The following PC variants were observed in gnomAD, a reference collection of about 807,000 sequenced individuals.
The protein encoded by PC is pyruvate carboxylase.
Under a neutral mutation model 107.8 loss-of-function variants are expected in PC, and 46 were observed. That is an observed-to-expected ratio of 0.43 (90% CI 0.34 to 0.55). PC has a LOEUF of 0.55. Ranked by LOEUF, PC falls within the 20% of genes least tolerant of loss-of-function variation. PC has a pLI of 0.04. For missense variants in PC, 1,241 were observed against 1,643.1 expected (o/e 0.76, Z 4.23); for synonymous variants, 662 against 684.7 (o/e 0.97, Z 0.52).
chr11:66,952,502 T>C (rs1949462798), intron 2 of PC, 34 bp from the exon 3 acceptor site: 1 of 152,238 alleles, frequency 6.6e-6, no homozygotes, highest in Non-Finnish European at 1.5e-5. Context: ...TTACCCTCAT[T>C]GCTCCAGGAA....
At position 66,871,780 on chromosome 11, in the gene PC, G is replaced by A. The variant is rs774618137; in HGVS notation, c.228C>T (p.His76=). 1.1e-5 allele frequency: 17 copies of A among 1,604,002 alleles called. No individual in the cohort carries two copies. Among genetic ancestry groups the A allele is most frequent in the Non-Finnish European group, 1.3e-5 (15 of 1,176,588 alleles). The change falls in exon 5 of 23, where the codon CAC becomes CAT. Residue 76 remains histidine, a synonymous_variant. Coordinates refer to ENST00000393960, the MANE Select transcript of PC (RefSeq NM_001040716.2). The surrounding 1 kb of genome is among the most constrained non-coding windows in gnomAD (Gnocchi z 7.4). ...GATAGGCTTCATCTGCTTTCTGCCG[G>A]TGCATCTGGCCCGTGTCCTGCTCAG... ...IYSEQDTGQM[H]RQKADEAYLI...
chr11:66,940,323 C>T (rs1402580591), intron 3 of PC, among the ~76,000 whole-genome samples: 1 of 151,802 alleles, frequency 6.6e-6, no homozygotes, highest in Non-Finnish European at 1.5e-5. Context: ...TTCAGTCTCC[C>T]TGGTAGTTGG....
At chr11:66,856,963 C>T (rs1945882451) in intron 12 of PC, 1 of 146,562 alleles carries the variant, frequency 6.8e-6, no homozygotes, top group African/African-American at 2.5e-5. Flanking sequence ...CTGCAGCGGC[C>T]GCGTGTCCCC....
rs1314644647 is a variant in PC, at chr11:66,858,863, TG to T, written c.1368+4910del. On this transcript the variant is annotated intron_variant, in intron 12 of 22. Coordinates refer to ENST00000393960, the MANE Select transcript of PC (RefSeq NM_001040716.2). This position sits in a 1 kb window ranked among gnomAD's most constrained non-coding sequence, Gnocchi z 5.9. ...AACTGCGGGTGCTGGCCTTGCCCCATGGTGGGAACAGCAGTGCCGAGGGGGG... is the reference window on the plus strand; with the variant it reads ...AACTGCGGGTGCTGGCCTTGCCCCATGTGGGAACAGCAGTGCCGAGGGGGG... The T allele has an allele frequency of 6.4e-7, 1 of 1,557,118 alleles. No homozygotes were observed. The highest frequency in any genetic ancestry group is 8.7e-7 in the Non-Finnish European group (1 of 1,151,468).
In PC at chr11:66,850,767, C is replaced by G. The variant is rs148086243; in HGVS notation, c.2380G>C (p.Val794Leu). Residue 794 changes from valine (V) to leucine (L), a missense_variant, in exon 18 of 23, where the codon GTG (valine) becomes CTG (leucine). By Grantham distance (32) the Val-to-Leu change is conservative. Around this residue, in one of 2 missense-constraint regions of PC, gnomAD observed 1,143 missense variants for 1,551.9 expected, o/e 0.74. Transcript: ENST00000393960. The stretch of plus-strand genomic sequence containing the variant: ...GACATGGAATCAGCTGCCACATCCA[C>G]CACATCAGCTCCAGCCTGGGCACAG... ...LACAQAGADV[V>L]DVAADSMSGM... The G allele has an allele frequency of 1.6e-5, 25 of 1,611,458 alleles. No homozygotes were observed. Among genetic ancestry groups the G allele is most frequent in the Non-Finnish European group, 1.9e-5 (23 of 1,179,984 alleles).
chr11:66,871,496 A>C lies in PC; in HGVS notation c.322-16T>G. On this transcript the variant is annotated splice_polypyrimidine_tract_variant and intron_variant, in intron 5 of 22. Transcript: ENST00000393960. The surrounding 1 kb of genome is among the most constrained non-coding windows in gnomAD (Gnocchi z 7.4). ...CGTTGTTCTCCTGCAGGTGGGGGTC[A>C]GGGAGAGGACGGTACCTTGCAGTCC... is the stretch of plus-strand genomic sequence containing the variant. The C allele has an allele frequency of 6.2e-7, 1 of 1,613,052 alleles. No individual in the cohort carries two copies.
At chr11:66,864,004 A>G (rs775789582) in intron 11 of PC, 48 bp from the exon 12 acceptor site, 16 of 1,598,914 alleles carry the variant, frequency 1.0e-5, no homozygotes, top group Non-Finnish European at 1.4e-5. Context: ...ACTGCGGTCA[A>G]AAGTGCCCCA....
At chr11:66,897,243 T>C (rs771966492) in intron 3 of PC, among the ~76,000 whole-genome samples, 3 of 152,146 alleles carry the variant, frequency 2.0e-5, no homozygotes, top group Non-Finnish European at 4.4e-5. Context: ...CTTGACCCTT[T>C]TGAATTGGCA....
At position 66,848,887 on chromosome 11, in the gene PC, T is replaced by C. The variant is rs755583968; in HGVS notation, c.*12A>G. On this transcript the variant is annotated 3_prime_UTR_variant, in exon 23 of 23. Coordinates refer to ENST00000393960, the MANE Select transcript of PC (RefSeq NM_001040716.2). ...GGCTTGGGGATGGCCAGGCTGCCGG[T>C]CTGGGGCAAGATCACTCGATCTCCA... 2.5e-6 allele frequency: 4 copies of C among 1,613,530 alleles called. No individual in the cohort carries two copies. Among genetic ancestry groups the C allele is most frequent in the Admixed American group, 3.3e-5 (2 of 60,024 alleles).
chr11:66,900,243 C>T lies in PC; in HGVS notation c.1-28084G>A, dbSNP rs530902819. ...TTGCCCAGGCTGGAGTGCAGTGGCA[C>T]GATCTCGGCTCACTGCAAGCTCTGA... On this transcript the variant is annotated intron_variant, in intron 3 of 22. Coordinates refer to ENST00000393960, the MANE Select transcript of PC (RefSeq NM_001040716.2). 1.2e-4 allele frequency among the ~76,000 whole-genome samples: 17 copies of T among 142,730 alleles called. No individual in the cohort carries two copies. In the South Asian group the frequency reaches 3.2e-3, roughly 27 times the overall value. 93.6% of individuals were successfully genotyped at this position (142,730 alleles called of 152,430 possible). A position where few individuals can be genotyped will look rare whatever the true frequency, so the allele number is the denominator to read the frequency against.
At chr11:66,863,442 TTTAACACACATTCCA>T (rs1946360044) in intron 12 of PC, among the ~76,000 whole-genome samples, 1 of 152,230 alleles carries the variant, frequency 6.6e-6, no homozygotes, top group East Asian at 1.9e-4. Context: ...CCTGATGATA[TTTAACACACATTCCA>T]GGTGATTCTC....
At chr11:66,945,090 G>A (rs1949253210) in intron 3 of PC, among the ~76,000 whole-genome samples, 1 of 117,258 alleles carries the variant, frequency 8.5e-6, no homozygotes, top group Non-Finnish European at 1.9e-5. Flanking sequence ...GAAAAAGGTG[G>A]CACTGGTTCC....
At chr11:66,865,614 G>A (rs540681159) in intron 11 of PC, among the ~76,000 whole-genome samples, 113 of 152,238 alleles carry the variant, frequency 7.4e-4, no homozygotes, top group Non-Finnish European at 1.3e-3. Flanking sequence ...GCCGTGGACC[G>A]CCTCAGCGCC....
Position 66,848,563 on chromosome 11 carries a change from G to T in PC, c.*336C>A. ...CAGCTTTATTGAGTAAACTTCCCAG[G>T]ACCTGGGACATCTTAGATCTCCCCT... On this transcript the variant is annotated 3_prime_UTR_variant, in exon 23 of 23. Transcript: ENST00000393960. 1 of 596,874 alleles carries T rather than the reference G, an allele frequency of 1.7e-6. No homozygotes were observed. Among genetic ancestry groups the T allele is most frequent in the South Asian group, 2.0e-5 (1 of 49,618 alleles). 37.0% of individuals were successfully genotyped at this position (596,874 alleles called of 1,614,324 possible).
chr11:66,870,903 G>A lies in PC; in HGVS notation c.634-11C>T, dbSNP rs757457960. ...ATTCTCCTCCAGCTCCTGCGAGGGC[G>A]GGCAGGGGCCAGCCAGACCTCAGAC... On this transcript the variant is annotated splice_polypyrimidine_tract_variant and intron_variant, in intron 7 of 22. Coordinates refer to ENST00000393960, the MANE Select transcript of PC (RefSeq NM_001040716.2). The surrounding 1 kb of genome is among the most constrained non-coding windows in gnomAD (Gnocchi z 6.1). 1.1e-5 allele frequency: 17 copies of A among 1,609,718 alleles called. No individual in the cohort carries two copies. Among genetic ancestry groups the A allele is most frequent in the Middle Eastern group, 1.6e-4 (1 of 6,084 alleles).
At chr11:66,905,962 G>C (rs563398255) in intron 3 of PC, among the ~76,000 whole-genome samples, 2 of 151,160 alleles carry the variant, frequency 1.3e-5, no homozygotes, top group South Asian at 2.1e-4. Context: ...AGGCAGGAAT[G>C]AAACTGAAGG....
At chr11:66,922,589 T>C (rs1253705037) in intron 3 of PC, among the ~76,000 whole-genome samples, 4 of 137,756 alleles carry the variant, frequency 2.9e-5, no homozygotes, top group Non-Finnish European at 6.2e-5. Flanking sequence ...GCAATGAGCC[T>C]AGCTAGCACT....
chr11:66,855,812 A>C (rs1945773204), intron 12 of PC, among the ~76,000 whole-genome samples: 1 of 152,192 alleles, frequency 6.6e-6, no homozygotes, highest in South Asian at 2.1e-4. Flanking sequence ...TTATGTATGT[A>C]CCATCCAACT....
intron 3 of PC, among the ~76,000 whole-genome samples, chr11:66,898,293 T>C (rs1253332406): frequency 6.6e-6 from 1 of 152,218 alleles, no homozygotes; most frequent in Non-Finnish European, 1.5e-5. Flanking sequence ...CACAGTCTTT[T>C]AGCCGACTGC....
Sources: allele counts gnomAD v4.1 joint callset (sites outside exome capture counted in the v4.1 genomes callset), GRCh38; gene constraint gnomAD v4.1.1; regional missense constraint gnomAD v4.1.1; non-coding constraint Gnocchi (gnomAD v3.1); transcripts MANE v1.5; gene names NCBI Gene and HGNC (gene_info 2026-07-23, HGNC 2026-07-21).